YAP1: variants seen among roughly 807,000 people sequenced by gnomAD.
YAP1 encodes transcriptional coactivator YAP1.
In YAP1, 5 loss-of-function variants were observed where a neutral mutation model predicts 56.9. The ratio of observed to expected loss-of-function variants is 0.09; its 90% CI spans 0.05 to 0.18. YAP1 has a LOEUF of 0.18. Among genes scored for constraint, YAP1 ranks in the 10% least tolerant of loss-of-function variants. The pLI, the probability that YAP1 is intolerant of heterozygous loss-of-function variation, is 1.00. For synonymous variants in YAP1, 265 were observed against 248.1 expected (o/e 1.07, Z -0.64); for missense variants, 539 against 651.8 (o/e 0.83, Z 1.88).
chr11:102,229,023 T>C (rs540182632), intron 8 of YAP1, among the ~76,000 whole-genome samples: 2 of 152,352 alleles, frequency 1.3e-5, no homozygotes, highest in African/African-American at 2.4e-5. Context: ...TCTGTATTGC[T>C]CTCTTCTCCA....
chr11:102,201,415 G>A (rs1311975337), intron 4 of YAP1, among the ~76,000 whole-genome samples: 2 of 152,204 alleles, frequency 1.3e-5, no homozygotes, highest in Non-Finnish European at 2.9e-5. Flanking sequence ...TTGGAGGTAG[G>A]AGGAAGCGGG....
intron 4 of YAP1, among the ~76,000 whole-genome samples, chr11:102,187,120 G>A (rs1005712801): frequency 2.0e-5 from 3 of 152,000 alleles, no homozygotes; most frequent in Non-Finnish European, 4.4e-5. Flanking sequence ...ACAACCCTGC[G>A]GGGGGAAAAA....
intron 6 of YAP1, among the ~76,000 whole-genome samples, chr11:102,218,702 G>A (rs750112160): frequency 2.0e-4 from 31 of 152,186 alleles, no homozygotes; most frequent in Non-Finnish European, 1.5e-4. Context: ...AATGAGAAGA[G>A]TGTTTCCATA....
intron 2 of YAP1, among the ~76,000 whole-genome samples, chr11:102,146,223 A>G (rs1031102696): frequency 6.6e-6 from 1 of 152,082 alleles, no homozygotes; most frequent in African/African-American, 2.4e-5. Context: ...GGGTCTCACT[A>G]TGTTGGCTAG....
At chr11:102,126,845 G>GT (rs1280358927) in intron 2 of YAP1, among the ~76,000 whole-genome samples, 1 of 152,194 alleles carries the variant, frequency 6.6e-6, no homozygotes, top group Admixed American at 6.5e-5. Context: ...CGATAGTGAT[G>GT]TGAACAGTCC....
chr11:102,161,800 T>G (rs1280660321), intron 2 of YAP1, among the ~76,000 whole-genome samples: 1 of 152,274 alleles, frequency 6.6e-6, no homozygotes, highest in African/African-American at 2.4e-5. Flanking sequence ...TTAGCTGTTT[T>G]AATTCCCAAC....
intron 3 of YAP1, 103 bp downstream of exon 3, chr11:102,162,674 G>T (rs1293858478): frequency 2.7e-6 from 3 of 1,114,820 alleles, no homozygotes; most frequent in Non-Finnish European, 4.0e-6. Context: ...CTGGGACATG[G>T]TGATGTTTAT....
intron 4 of YAP1, among the ~76,000 whole-genome samples, chr11:102,192,630 TGACTG>T (rs1948354276): frequency 6.6e-6 from 1 of 152,234 alleles, no homozygotes; most frequent in Non-Finnish European, 1.5e-5. Flanking sequence ...CTGTAAAATG[TGACTG>T]GATTAGACTG....
intron 3 of YAP1, among the ~76,000 whole-genome samples, chr11:102,171,293 G>A (rs1565226379): frequency 1.3e-5 from 2 of 152,116 alleles, no homozygotes; most frequent in Non-Finnish European, 2.9e-5. Flanking sequence ...ATGACTCATA[G>A]GAGGAATATT....
chr11:102,128,962 T>TCC (rs1565436244), intron 2 of YAP1, among the ~76,000 whole-genome samples: 3 of 108,092 alleles, frequency 2.8e-5, no homozygotes, highest in Admixed American at 8.3e-5. Context: ...CCTCCCTCCC[T>TCC]CTCGCTTCCC....
chr11:102,167,581 A>C (rs1946679506), intron 3 of YAP1, among the ~76,000 whole-genome samples: 1 of 152,182 alleles, frequency 6.6e-6, no homozygotes, highest in African/African-American at 2.4e-5. Context: ...AAAGATTTAA[A>C]AATTAGCTGA....
At chr11:102,187,990 C>T (rs1253868443) in intron 4 of YAP1, among the ~76,000 whole-genome samples, 2 of 152,136 alleles carry the variant, frequency 1.3e-5, no homozygotes, top group Admixed American at 6.5e-5. Flanking sequence ...CTGTTCCAGA[C>T]CTTTTCACTC....
chr11:102,220,184 AC>A (rs1313246178), intron 6 of YAP1, among the ~76,000 whole-genome samples: 1 of 152,034 alleles, frequency 6.6e-6, no homozygotes, highest in Non-Finnish European at 1.5e-5. Context: ...ATATAGTGAG[AC>A]CTTGTCTCTA....
At chr11:102,180,323 C>A (rs1233922250) in intron 3 of YAP1, among the ~76,000 whole-genome samples, 2 of 151,966 alleles carry the variant, frequency 1.3e-5, no homozygotes, top group African/African-American at 2.4e-5. Flanking sequence ...ATGGAAAATG[C>A]AAAATATATA....
intron 2 of YAP1, among the ~76,000 whole-genome samples, chr11:102,117,664 C>T (rs1943373872): frequency 6.6e-6 from 1 of 152,162 alleles, no homozygotes; most frequent in South Asian, 2.1e-4. Context: ...GTGGAGGAGA[C>T]TCATACCTTA....
chr11:102,181,462 A>ATAAC (rs1947619274), intron 3 of YAP1, among the ~76,000 whole-genome samples: 1 of 151,806 alleles, frequency 6.6e-6, no homozygotes, highest in African/African-American at 2.4e-5. Context: ...AAATAAATAA[A>ATAAC]TAAATAAAAT....
At chr11:102,206,289 G>A (rs1949116737) in intron 5 of YAP1, among the ~76,000 whole-genome samples, 1 of 152,186 alleles carries the variant, frequency 6.6e-6, no homozygotes, top group South Asian at 2.1e-4. Flanking sequence ...TTGGAAACCT[G>A]TATCATGAAG....
At chr11:102,184,401 A>C (rs1227539212) in intron 3 of YAP1, among the ~76,000 whole-genome samples, 2 of 152,200 alleles carry the variant, frequency 1.3e-5, no homozygotes, top group Non-Finnish European at 2.9e-5. Context: ...TTTGCTTCTC[A>C]TTCAGCCTCT....
chr11:102,118,805 T>C (rs1943467260), intron 2 of YAP1, among the ~76,000 whole-genome samples: 1 of 151,668 alleles, frequency 6.6e-6, no homozygotes, highest in Non-Finnish European at 1.5e-5. Flanking sequence ...ATATACAGTG[T>C]ACCTGGTATT....
Sources: gnomAD v4.1 joint callset for allele counts (sites outside exome capture counted in the v4.1 genomes callset) on GRCh38, gnomAD v4.1.1 for gene constraint, MANE v1.5 for transcripts, NCBI Gene and HGNC (gene_info 2026-07-23, HGNC 2026-07-21) for gene names.